The following NFU1 variants were observed in gnomAD, a reference collection of about 807,000 sequenced individuals.
NFU1 encodes the protein NFU1 iron-sulfur cluster scaffold homolog, mitochondrial.
Under a neutral mutation model 32.2 loss-of-function variants are expected in NFU1, and 30 were observed. The ratio of observed to expected loss-of-function variants is 0.93; its 90% CI spans 0.70 to 1.26. The LOEUF (loss-of-function observed/expected upper bound fraction) is 1.26. Ranked by LOEUF, NFU1 falls within the 50% of genes most tolerant of loss-of-function variation. The probability of loss-of-function intolerance (pLI) is 0.00; values close to 1 mark genes in which losing one functional copy is unlikely to be tolerated. For synonymous variants in NFU1, 112 were observed against 104.6 expected (o/e 1.07, Z -0.43); for missense variants, 306 against 306.6 (o/e 1.00, Z 0.02).
chr2:69,438,677 G>C (rs1673941730), upstream of NFU1, among the ~76,000 whole-genome samples: 1 of 152,148 alleles, frequency 6.6e-6, no homozygotes, highest in South Asian at 2.1e-4. Flanking sequence ...TTGTTGAACA[G>C]GTTGAGGCCA....
intron 1 of NFU1, among the ~76,000 whole-genome samples, chr2:69,433,150 C>CAAAA (rs762607918): frequency 3.0e-5 from 3 of 98,364 alleles, no homozygotes; most frequent in African/African-American, 1.1e-4. Context: ...ACTCCATCTC[C>CAAAA]AAAAAAAAAA....
chr2:69,427,059 C>CA lies in NFU1; in HGVS notation c.167-3343dup, dbSNP rs756433492. 2.5e-4 allele frequency among the ~76,000 whole-genome samples: 19 copies of CA among 75,222 alleles called. No individual in the cohort carries two copies. In the South Asian group the frequency reaches 2.8e-3, roughly 11 times the overall value. 49.3% of individuals were successfully genotyped at this position (75,222 alleles called of 152,430 possible). A position where few individuals can be genotyped will look rare whatever the true frequency, so the allele number is the denominator to read the frequency against. On this transcript the variant is annotated intron_variant, in intron 2 of 7. Transcript: ENST00000410022. ...TGGGCAATAGAGAGAGACTAGGTCTCAAAAAAAAAAAAGAAAGAAAGAAAG... is the reference window on the plus strand; with the variant it reads ...TGGGCAATAGAGAGAGACTAGGTCTCAAAAAAAAAAAAAGAAAGAAAGAAAG...
At chr2:69,401,719 G>A (rs1399665873) in intron 6 of NFU1, among the ~76,000 whole-genome samples, 1 of 152,170 alleles carries the variant, frequency 6.6e-6, no homozygotes, top group Non-Finnish European at 1.5e-5. Context: ...ATTCCCACCA[G>A]CAGTGTATGA....
At chr2:69,408,915 C>G (rs1281153663) in intron 5 of NFU1, among the ~76,000 whole-genome samples, 2 of 124,842 alleles carry the variant, frequency 1.6e-5, no homozygotes, top group Admixed American at 9.5e-5. Context: ...CCTCAGCTCA[C>G]TGCAACCTCC....
upstream of NFU1, among the ~76,000 whole-genome samples, chr2:69,438,819 A>G (rs1265345065): frequency 6.6e-6 from 1 of 151,148 alleles, no homozygotes. Flanking sequence ...GTTCATTCCC[A>G]ATGCTGCGTA....
chr2:69,433,304 G>C (rs1280779701), intron 1 of NFU1, among the ~76,000 whole-genome samples: 2 of 149,800 alleles, frequency 1.3e-5, no homozygotes, highest in Non-Finnish European at 3.0e-5. Flanking sequence ...TCAGCCTCCC[G>C]AGTAGCTGAG....
At chr2:69,399,642 A>G (rs914528042) in intron 7 of NFU1, among the ~76,000 whole-genome samples, 2 of 152,024 alleles carry the variant, frequency 1.3e-5, no homozygotes, top group Admixed American at 1.3e-4. Context: ...AAATTGGTAA[A>G]TATGATGTAG....
At chr2:69,428,817 C>A (rs949333645) in intron 2 of NFU1, among the ~76,000 whole-genome samples, 1 of 152,170 alleles carries the variant, frequency 6.6e-6, no homozygotes. Context: ...TTTGGCAAAA[C>A]ATATGGTTGG....
chr2:69,400,611 C>T, intron 6 of NFU1, 73 bp from the exon 7 acceptor site: 1 of 1,314,514 alleles, frequency 7.6e-7, no homozygotes, highest in Non-Finnish European at 1.1e-6. Context: ...TAATACAGCT[C>T]AGAGCTTAAA....
At position 69,404,511 on chromosome 2, in the gene NFU1, C is replaced by T. The variant is rs59193705; in HGVS notation, c.545+1511G>A. 3.1e-3 allele frequency among the ~76,000 whole-genome samples: 472 copies of T among 151,020 alleles called. 2 individuals carry two copies. Among genetic ancestry groups the T allele is most frequent in the African/African-American group, 0.011 (451 of 41,116 alleles). ...CTCAAAAAAAAAATATCTGTATACA[C>T]CATGGAATGGCTAAATCAAGCTAAT... is the stretch of plus-strand genomic sequence containing the variant. On this transcript the variant is annotated intron_variant, in intron 6 of 7. Coordinates refer to ENST00000410022, the MANE Select transcript of NFU1 (RefSeq NM_001002755.4).
chr2:69,423,052 C>T (rs1279269182), intron 3 of NFU1, among the ~76,000 whole-genome samples: 1 of 152,126 alleles, frequency 6.6e-6, no homozygotes, highest in African/African-American at 2.4e-5. Context: ...TCATGGCTCA[C>T]TGCAGCCTCA....
chr2:69,436,815 G>A (rs2104826404), intron 1 of NFU1, among the ~76,000 whole-genome samples: 1 of 150,880 alleles, frequency 6.6e-6, no homozygotes, highest in South Asian at 2.1e-4. Context: ...CAAGGGAACA[G>A]AGTGGGCTTA....
chr2:69,421,562 CTTTTT>C (rs763705011), intron 3 of NFU1, among the ~76,000 whole-genome samples: 7 of 70,742 alleles, frequency 9.9e-5, no homozygotes, highest in African/African-American at 3.5e-4. Flanking sequence ...ATCATTTGTG[CTTTTT>C]TTTTTTTTTT....
At chr2:69,401,236 C>T (rs1242849397) in intron 6 of NFU1, among the ~76,000 whole-genome samples, 1 of 152,164 alleles carries the variant, frequency 6.6e-6, no homozygotes, top group Non-Finnish European at 1.5e-5. Flanking sequence ...CCAGAAGTCC[C>T]CTTTGGGCTT....
At chr2:69,425,357 AATTTTTTTTTTTTTTG>A (rs1459471221) in intron 2 of NFU1, among the ~76,000 whole-genome samples, 1 of 83,126 alleles carries the variant, frequency 1.2e-5, no homozygotes, top group African/African-American at 8.3e-5. Context: ...ATTTATTTTT[AATTTTTTTTTTTTTTG>A]AGATGGAGTT....
At chr2:69,437,567 A>G, upstream of NFU1, 3 of 997,386 alleles carry the variant, frequency 3.0e-6, no homozygotes, top group Non-Finnish European at 4.6e-6. Flanking sequence ...GCGGTGGCCT[A>G]CGCGCCGAGG....
chr2:69,423,847 C>G, intron 2 of NFU1, 130 bp from the exon 3 acceptor site: 1 of 706,022 alleles, frequency 1.4e-6, no homozygotes. Context: ...GCTTTATTGC[C>G]CTGACAAAGC....
intron 6 of NFU1, among the ~76,000 whole-genome samples, 184 bp from the exon 7 acceptor site, chr2:69,400,722 T>G (rs964775684): frequency 2.0e-5 from 3 of 151,996 alleles, no homozygotes; most frequent in African/African-American, 7.3e-5. Flanking sequence ...TTTTTTACTC[T>G]CAGGTAAAAT....
chr2:69,396,711 T>C (rs1672348665), intron 7 of NFU1, among the ~76,000 whole-genome samples: 1 of 152,104 alleles, frequency 6.6e-6, no homozygotes, highest in Non-Finnish European at 1.5e-5. Flanking sequence ...ATTAAAGCAT[T>C]GATCACTTCT....
Sources: allele counts gnomAD v4.1 joint callset (sites outside exome capture counted in the v4.1 genomes callset), GRCh38; gene constraint gnomAD v4.1.1; transcripts MANE v1.5; gene names NCBI Gene and HGNC (gene_info 2026-07-23, HGNC 2026-07-21).